Variants in CDH17 observed in about 807,000 individuals in gnomAD.
The protein encoded by CDH17 is cadherin 17.
CDH17 carries 67 observed loss-of-function variants against 86.3 expected under a neutral mutation model. That is an observed-to-expected ratio of 0.78 (90% CI 0.64 to 0.95). The LOEUF (loss-of-function observed/expected upper bound fraction) is 0.95. Among genes scored for constraint, CDH17 ranks in the 40% least tolerant of loss-of-function variants. The pLI, the probability that CDH17 is intolerant of heterozygous loss-of-function variation, is 0.00. For synonymous variants in CDH17, 367 were observed against 366.4 expected (o/e 1.00, Z -0.02); for missense variants, 993 against 1,017.6 (o/e 0.98, Z 0.33).
intron 1 of CDH17, chr8:94,202,728 G>A (rs1301507654): frequency 6.3e-6 from 1 of 158,508 alleles, no homozygotes; most frequent in African/African-American, 2.4e-5. Context: ...GCACATCTCT[G>A]TTGGATAATA....
intron 12 of CDH17, among the ~76,000 whole-genome samples, chr8:94,159,142 A>G (rs527609673): frequency 6.6e-6 from 1 of 152,306 alleles, no homozygotes; most frequent in African/African-American, 2.4e-5. Flanking sequence ...GACATGCTCT[A>G]AACACAGATG....
intron 17 of CDH17, 132 bp downstream of exon 17, chr8:94,130,494 T>C: frequency 1.7e-6 from 1 of 602,648 alleles, no homozygotes; most frequent in Non-Finnish European, 3.0e-6. Flanking sequence ...TTGCTGGTGA[T>C]CTACCTTCTG....
At chr8:94,206,412 G>A (rs1473479864) in intron 1 of CDH17, among the ~76,000 whole-genome samples, 1 of 152,128 alleles carries the variant, frequency 6.6e-6, no homozygotes, top group African/African-American at 2.4e-5. Context: ...CTGAATCAAT[G>A]CAATTTTATG....
intron 12 of CDH17, among the ~76,000 whole-genome samples, chr8:94,153,932 C>T (rs1563571672): frequency 6.6e-6 from 1 of 152,102 alleles, no homozygotes; most frequent in Non-Finnish European, 1.5e-5. Context: ...TGCAAAATTT[C>T]AGTTAGAAGG....
rs141865321 is a variant in CDH17 at position 94,170,871 on chromosome 8, G to A, written c.898C>T (p.Arg300Ter). 166 of 1,612,876 alleles carry A rather than the reference G, an allele frequency of 1.0e-4. 1 individual carries two copies. The African/African-American group carries it at 1.6e-3, about 16-fold the overall frequency. ...TTACTCACTGCATCCTTTTCTTCTC[G>A]GTCCAAGGGCTGAGTCACGTAAATA... ...GDIYVTQPLD[R>*]EEKDAYVFYA... The change falls in exon 8 of 18, where the codon CGA becomes TGA. Residue 300 changes from arginine (R) to a stop codon, truncating the protein, a stop_gained. Coordinates refer to ENST00000027335, the MANE Select transcript of CDH17 (RefSeq NM_004063.4). LOFTEE classifies it high-confidence loss of function.
chr8:94,140,107 C>A (rs1332571341), intron 15 of CDH17, among the ~76,000 whole-genome samples: 1 of 151,906 alleles, frequency 6.6e-6, no homozygotes, highest in Non-Finnish European at 1.5e-5. Flanking sequence ...CAAAAGAAAT[C>A]TAAAGGGAAA....
intron 15 of CDH17, among the ~76,000 whole-genome samples, chr8:94,134,718 C>T (rs936054461): frequency 2.6e-5 from 4 of 151,934 alleles, no homozygotes; most frequent in Non-Finnish European, 5.9e-5. Context: ...AATGTGTTTG[C>T]TCTTTCTTCT....
At position 94,163,015 on chromosome 8, in the gene CDH17, T is replaced by C. The variant is rs115163705; in HGVS notation, c.1283-853A>G. Among the ~76,000 whole-genome samples, 544 of 152,338 alleles carry C rather than the reference T, an allele frequency of 3.6e-3. 4 individuals are homozygous for C. The highest frequency in any genetic ancestry group is 0.021 in the South Asian group (101 of 4,828). On this transcript the variant is annotated intron_variant, in intron 10 of 17. Transcript: ENST00000027335. The stretch of plus-strand genomic sequence containing the variant: ...TGCCACTTAGCATGTATGTGAGAGC[T>C]TGGGTGCCTCACTCAATTTATCTGT...
At chr8:94,208,361 T>C (rs1296586950) in intron 1 of CDH17, 122 bp downstream of exon 1, 2 of 152,226 alleles carry the variant, frequency 1.3e-5, no homozygotes, top group African/African-American at 2.4e-5. Flanking sequence ...TCTCCGCATC[T>C]GCATAGCCCA....
chr8:94,131,363 T>A (rs1159302816), intron 15 of CDH17, among the ~76,000 whole-genome samples: 1 of 152,192 alleles, frequency 6.6e-6, no homozygotes, highest in Non-Finnish European at 1.5e-5. Context: ...CCCCAACTGA[T>A]CAATACATAA....
intron 9 of CDH17, among the ~76,000 whole-genome samples, chr8:94,169,181 G>A (rs569150883): frequency 1.3e-5 from 2 of 152,226 alleles, no homozygotes; most frequent in South Asian, 2.1e-4. Context: ...CAGTGTCACA[G>A]ACCATCCCAG....
intron 3 of CDH17, among the ~76,000 whole-genome samples, chr8:94,178,716 T>C (rs1480269725): frequency 6.6e-6 from 1 of 152,154 alleles, no homozygotes; most frequent in Non-Finnish European, 1.5e-5. Context: ...ATCTAGACTG[T>C]TATGGTACCA....
chr8:94,207,790 G>A lies in CDH17; in HGVS notation c.-21+693C>T, dbSNP rs899373908. Among the ~76,000 whole-genome samples, 4 of 152,218 alleles carry A rather than the reference G, an allele frequency of 2.6e-5. No homozygotes were observed. The South Asian group carries it at 8.3e-4, about 32-fold the overall frequency. On this transcript the variant is annotated intron_variant, in intron 1 of 17. Coordinates refer to ENST00000027335, the MANE Select transcript of CDH17 (RefSeq NM_004063.4). ...AGACAGAGGCAAATATCGGACCATT[G>A]AAGATACCAATAAGCTGTGTGTGGC...
chr8:94,162,924 A>G (rs1012747745), intron 10 of CDH17, among the ~76,000 whole-genome samples: 14 of 152,228 alleles, frequency 9.2e-5, no homozygotes, highest in Non-Finnish European at 1.8e-4. Context: ...TGTTCTAACC[A>G]TGGTGCACTG....
intron 1 of CDH17, among the ~76,000 whole-genome samples, chr8:94,198,807 T>C (rs1195270213): frequency 6.6e-6 from 1 of 152,156 alleles, no homozygotes; most frequent in African/African-American, 2.4e-5. Context: ...TGGATGGAGA[T>C]GTTTCCTCAT....
intron 9 of CDH17, among the ~76,000 whole-genome samples, chr8:94,168,451 T>C (rs1245900015): frequency 1.3e-5 from 2 of 151,718 alleles, no homozygotes; most frequent in Non-Finnish European, 2.9e-5. Flanking sequence ...CCTAATTCAG[T>C]ATTTTATCAA....
intron 3 of CDH17, among the ~76,000 whole-genome samples, chr8:94,188,477 C>G (rs888208577): frequency 6.6e-6 from 1 of 152,144 alleles, no homozygotes; most frequent in Non-Finnish European, 1.5e-5. Flanking sequence ...ACGGGCACCC[C>G]CAAGAAGGCT....
intron 10 of CDH17, among the ~76,000 whole-genome samples, chr8:94,163,359 A>G (rs1190812902): frequency 1.3e-5 from 2 of 152,236 alleles, no homozygotes; most frequent in Non-Finnish European, 2.9e-5. Context: ...TATGAACTGC[A>G]TCAATGTACA....
intron 15 of CDH17, among the ~76,000 whole-genome samples, chr8:94,143,910 C>T (rs1812686045): frequency 1.3e-5 from 2 of 152,140 alleles, no homozygotes; most frequent in Admixed American, 6.5e-5. Flanking sequence ...GGCTATTTTG[C>T]TTTTTTATTA....
Sources: gnomAD v4.1 joint callset for allele counts (sites outside exome capture counted in the v4.1 genomes callset) on GRCh38, gnomAD v4.1.1 for gene constraint, MANE v1.5 for transcripts, NCBI Gene and HGNC (gene_info 2026-07-23, HGNC 2026-07-21) for gene names.